MDFIC: variants seen among roughly 807,000 people sequenced by gnomAD.
The protein encoded by MDFIC is MyoD family inhibitor domain containing.
Under a neutral mutation model 23.2 loss-of-function variants are expected in MDFIC, and 17 were observed. The ratio of observed to expected loss-of-function variants is 0.73; its 90% CI spans 0.50 to 1.10. The LOEUF (loss-of-function observed/expected upper bound fraction) is 1.10, where lower values mean the gene tolerates loss of function less well. Ranked by LOEUF, MDFIC falls within the 50% of genes least tolerant of loss-of-function variation. The pLI, the probability that MDFIC is intolerant of heterozygous loss-of-function variation, is 0.00. For missense variants in MDFIC, 356 were observed against 316.6 expected (o/e 1.12, Z -0.95); for synonymous variants, 120 against 115.2 (o/e 1.04, Z -0.27).
At chr7:114,981,590 C>A (rs766393606) in intron 4 of MDFIC, among the ~76,000 whole-genome samples, 24 of 152,176 alleles carry the variant, frequency 1.6e-4, no homozygotes, top group Non-Finnish European at 3.1e-4. Flanking sequence ...TCTGTGTAAT[C>A]TGCTTTTATC....
chr7:114,963,283 T>C (rs920849099), intron 3 of MDFIC, among the ~76,000 whole-genome samples: 19 of 152,260 alleles, frequency 1.2e-4, no homozygotes, highest in Non-Finnish European at 2.8e-4. Flanking sequence ...TTAATGTTTA[T>C]AATTTGAATT....
intron 4 of MDFIC, among the ~76,000 whole-genome samples, chr7:114,993,613 A>G (rs1022323679): frequency 6.6e-6 from 1 of 152,202 alleles, no homozygotes; most frequent in African/African-American, 2.4e-5. Flanking sequence ...TGTACCCAGT[A>G]GTCATTCAGG....
intron 3 of MDFIC, among the ~76,000 whole-genome samples, chr7:114,958,210 A>G (rs1354084831): frequency 6.6e-6 from 1 of 152,192 alleles, no homozygotes; most frequent in Non-Finnish European, 1.5e-5. Context: ...TGCAGAGCTT[A>G]ATTCTAATCA....
At chr7:114,925,643 G>A (rs886374865) in intron 2 of MDFIC, among the ~76,000 whole-genome samples, 40 of 152,288 alleles carry the variant, frequency 2.6e-4, no homozygotes, top group African/African-American at 9.1e-4. Flanking sequence ...GGAGCAATGG[G>A]GATTTTGGGG....
At chr7:114,959,193 A>T (rs961273388) in intron 3 of MDFIC, among the ~76,000 whole-genome samples, 7 of 152,194 alleles carry the variant, frequency 4.6e-5, no homozygotes, top group African/African-American at 1.4e-4. Context: ...TCAGAGTCAG[A>T]ATCTACAGCT....
chr7:114,962,518 T>A (rs1432994028), intron 3 of MDFIC, among the ~76,000 whole-genome samples: 1 of 152,182 alleles, frequency 6.6e-6, no homozygotes, highest in Admixed American at 6.5e-5. Flanking sequence ...TGGTCATCAT[T>A]CTAACCGTCC....
At chr7:114,954,933 A>G (rs533016916) in intron 3 of MDFIC, among the ~76,000 whole-genome samples, 76 of 151,994 alleles carry the variant, frequency 5.0e-4, no homozygotes, top group Non-Finnish European at 8.7e-4. Context: ...TTCTGCCTCT[A>G]TAGTTCATGT....
At chr7:114,988,847 G>A (rs903645066) in intron 4 of MDFIC, among the ~76,000 whole-genome samples, 3 of 152,166 alleles carry the variant, frequency 2.0e-5, no homozygotes, top group African/African-American at 7.2e-5. Flanking sequence ...TTCTCATAGA[G>A]GAGACACTTC....
chr7:114,958,520 G>A (rs1441894656), intron 3 of MDFIC, among the ~76,000 whole-genome samples: 1 of 152,226 alleles, frequency 6.6e-6, no homozygotes, highest in Non-Finnish European at 1.5e-5. Flanking sequence ...GGAGGCAGAG[G>A]CAGGCGGATC....
At chr7:115,003,922 T>C (rs1791515101) in intron 4 of MDFIC, among the ~76,000 whole-genome samples, 1 of 152,194 alleles carries the variant, frequency 6.6e-6, no homozygotes, top group African/African-American at 2.4e-5. Flanking sequence ...ATCTGTAAAA[T>C]GAGGTTAATA....
At chr7:114,939,055 G>C (rs1013462500) in intron 2 of MDFIC, among the ~76,000 whole-genome samples, 1 of 152,116 alleles carries the variant, frequency 6.6e-6, no homozygotes, top group Admixed American at 6.5e-5. Flanking sequence ...AATAAATCCT[G>C]CTCCCTCTTC....
intron 3 of MDFIC, among the ~76,000 whole-genome samples, chr7:114,958,374 C>G (rs905506670): frequency 3.3e-5 from 5 of 152,190 alleles, no homozygotes; most frequent in African/African-American, 7.2e-5. Flanking sequence ...AAAATACGCT[C>G]TCTTCTTATT....
chr7:114,953,846 T>C (rs753084709), intron 3 of MDFIC, among the ~76,000 whole-genome samples: 1 of 152,230 alleles, frequency 6.6e-6, no homozygotes, highest in Non-Finnish European at 1.5e-5. Context: ...GTAAATGCTA[T>C]GTAAATAGTT....
At chr7:114,998,689 A>G (rs922774929) in intron 4 of MDFIC, among the ~76,000 whole-genome samples, 2 of 151,844 alleles carry the variant, frequency 1.3e-5, no homozygotes, top group Non-Finnish European at 2.9e-5. Context: ...TTTCCCCCCA[A>G]TGTTTTGTTG....
intron 2 of MDFIC, among the ~76,000 whole-genome samples, chr7:114,933,655 G>T (rs1167819355): frequency 1.3e-5 from 2 of 152,122 alleles, no homozygotes; most frequent in Non-Finnish European, 2.9e-5. Flanking sequence ...CCTCTTTCAT[G>T]ATAGTTTTCT....
chr7:114,947,313 A>T (rs533979927), intron 3 of MDFIC, among the ~76,000 whole-genome samples: 1 of 152,204 alleles, frequency 6.6e-6, no homozygotes, highest in South Asian at 2.1e-4. Context: ...TTCCTCCTCC[A>T]TTTGGCTCTC....
In MDFIC at chr7:114,923,070, G is replaced by T. The variant is rs1263865542; in HGVS notation, c.37G>T (p.Val13Leu). ...GAGEALAPGP[V>L]GPQRVAEAGG... ...GGGCGAAGCCCTCGCTCCCGGGCCCGTGGGGCCGCAGCGCGTGGCCGAGGC... is the reference window on the plus strand; with the variant it reads ...GGGCGAAGCCCTCGCTCCCGGGCCCTTGGGGCCGCAGCGCGTGGCCGAGGC... Residue 13 changes from valine (V) to leucine (L), a missense_variant, in exon 2 of 5, where the codon GTG becomes TTG. Coordinates refer to ENST00000393486, the MANE Select transcript of MDFIC (RefSeq NM_001166345.3). 6 of 1,403,926 alleles carry T rather than the reference G, an allele frequency of 4.3e-6. No homozygotes were observed. The highest frequency in any genetic ancestry group is 6.5e-5 in the Admixed American group (2 of 30,592). 87.0% of individuals were successfully genotyped at this position (1,403,926 alleles called of 1,614,324 possible). A position where few individuals can be genotyped will look rare whatever the true frequency, so the allele number is the denominator to read the frequency against.
chr7:114,949,949 C>T (rs1284133373), intron 3 of MDFIC, among the ~76,000 whole-genome samples: 1 of 152,126 alleles, frequency 6.6e-6, no homozygotes, highest in East Asian at 1.9e-4. Context: ...TAAGAGAGGA[C>T]ATGGCCATTT....
intron 4 of MDFIC, among the ~76,000 whole-genome samples, chr7:114,996,778 T>A (rs1272482372): frequency 1.3e-5 from 2 of 152,246 alleles, no homozygotes; most frequent in East Asian, 3.9e-4. Flanking sequence ...TCAGCATCCT[T>A]TAGAAGCTCC....
Sources: allele counts gnomAD v4.1 joint callset (sites outside exome capture counted in the v4.1 genomes callset), GRCh38; gene constraint gnomAD v4.1.1; transcripts MANE v1.5; gene names NCBI Gene and HGNC (gene_info 2026-07-23, HGNC 2026-07-21).